USO1: variants seen among roughly 807,000 people sequenced by gnomAD.
USO1 encodes the protein USO1 vesicle transport factor, also known as general vesicular transport factor p115.
Under a neutral mutation model 124.5 loss-of-function variants are expected in USO1, and 57 were observed. That is an observed-to-expected ratio of 0.46 (90% CI 0.37 to 0.57). The LOEUF (loss-of-function observed/expected upper bound fraction) is 0.57. Ranked by LOEUF, USO1 falls within the 20% of genes least tolerant of loss-of-function variation. The pLI, the probability that USO1 is intolerant of heterozygous loss-of-function variation, is 0.00. For missense variants in USO1, 900 were observed against 1,040.6 expected, an observed-to-expected ratio of 0.86 and a Z score of 1.86; for synonymous variants, 369 against 362.8, an observed-to-expected ratio of 1.02 and a Z score of -0.19.
chr4:75,803,618 C>T (rs1722915043), intron 17 of USO1, among the ~76,000 whole-genome samples: 1 of 147,648 alleles, frequency 6.8e-6, no homozygotes, highest in Non-Finnish European at 1.5e-5. Flanking sequence ...CACTGCACTC[C>T]AGCCTGGGCG....
At chr4:75,730,029 C>T in intron 1 of USO1, 1 of 294,074 alleles carries the variant, frequency 3.4e-6, no homozygotes, top group Non-Finnish European at 6.8e-6. Flanking sequence ...ATAACCAGGT[C>T]AATGTCATAA....
intron 13 of USO1, among the ~76,000 whole-genome samples, chr4:75,797,895 A>G (rs926621385): frequency 2.0e-5 from 3 of 152,282 alleles, no homozygotes; most frequent in South Asian, 4.1e-4. Context: ...AACGCACCTC[A>G]GCCTCCCAAA....
chr4:75,813,543 A>C lies in USO1; in HGVS notation c.*248A>C. ...CAAAATGTAATTTGCAAAGAGCTTC[A>C]AACACCAAAAATATACCATTTTAAG... On this transcript the variant is annotated 3_prime_UTR_variant, in exon 24 of 24. Transcript: ENST00000514213. 1 of 294,310 alleles carries C rather than the reference A, an allele frequency of 3.4e-6. No individual in the cohort carries two copies. The highest frequency in any genetic ancestry group is 6.1e-6 in the Non-Finnish European group (1 of 163,660). 18.2% of individuals were successfully genotyped at this position (294,310 alleles called of 1,614,324 possible).
At position 75,805,143 on chromosome 4, in the gene USO1, A is replaced by G. The variant is rs534762045; in HGVS notation, c.2129A>G (p.Lys710Arg). Residue 710 changes from lysine to arginine, a missense_variant, in exon 19 of 24, where the codon AAA (lysine) becomes AGA (arginine). Lys to Arg is a conservative substitution (Grantham distance 26, BLOSUM62 2). Around this residue, in one of 2 missense-constraint regions of USO1, gnomAD observed 362 missense variants for 359.0 expected, o/e 1.01. Transcript: ENST00000514213. ...AAATGTTATGTCTGTCTAACAGGAA[A>G]AGACAATCAGCATCAAGGTTCTTAC... ...QYNLLKIQLG[K>R]DNQHQGSYSE... 7 of 1,576,758 alleles carry G rather than the reference A, an allele frequency of 4.4e-6. No individual in the cohort carries two copies. In the African/African-American group the frequency reaches 9.6e-5, roughly 22 times the overall value.
chr4:75,795,876 C>T (rs1722662309), intron 13 of USO1, among the ~76,000 whole-genome samples: 1 of 151,842 alleles, frequency 6.6e-6, no homozygotes, highest in African/African-American at 2.4e-5. Context: ...ACAGCTACCA[C>T]TGAGGATTCG....
At chr4:75,786,462 T>C (rs1357312334) in intron 9 of USO1, among the ~76,000 whole-genome samples, 3 of 148,818 alleles carry the variant, frequency 2.0e-5, no homozygotes, top group Non-Finnish European at 4.5e-5. Flanking sequence ...ATAACTGTGT[T>C]AAATAGTTAT....
Position 75,724,738 on chromosome 4 carries a change from G to C in USO1, c.-82G>C, listed in dbSNP as rs41282387. ...AGGAGTGTGTAGAGTGCGGGATTGG[G>C]GCCCAGGCCCTGCGGAGGGCGGGGG... On this transcript the variant is annotated 5_prime_UTR_variant, in exon 1 of 24. Transcript: ENST00000514213. The C allele has an allele frequency of 6.9e-7, 1 of 1,455,634 alleles. No homozygotes were observed. The highest frequency in any genetic ancestry group is 9.5e-7 in the Non-Finnish European group (1 of 1,053,006). The allele number at this position is 1,455,634 out of a possible 1,614,324, so 90.2% of individuals were successfully genotyped here.
chr4:75,771,452 G>T (rs1721931882), intron 7 of USO1, among the ~76,000 whole-genome samples: 1 of 152,088 alleles, frequency 6.6e-6, no homozygotes, highest in Non-Finnish European at 1.5e-5. Flanking sequence ...ATTCTTTCCT[G>T]GCTATCCAGT....
At chr4:75,778,131 C>T (rs1234345956) in intron 8 of USO1, among the ~76,000 whole-genome samples, 2 of 152,134 alleles carry the variant, frequency 1.3e-5, no homozygotes, top group African/African-American at 2.4e-5. Context: ...CTTTGAATAA[C>T]TTAGGATTTA....
At chr4:75,791,020 A>G (rs10212995) in intron 12 of USO1, among the ~76,000 whole-genome samples, 82,100 of 152,012 alleles carry the variant, frequency 0.54, 23,710 homozygotes, top group East Asian at 0.81. Context: ...CTTTTGCTGT[A>G]TAACTTCTGC....
chr4:75,757,148 C>T (rs545923901), intron 3 of USO1, among the ~76,000 whole-genome samples: 160 of 151,990 alleles, frequency 1.1e-3, no homozygotes, highest in African/African-American at 3.7e-3. Flanking sequence ...TTTCCACTTG[C>T]TATTATATCA....
At chr4:75,735,993 A>G (rs777152601) in intron 1 of USO1, among the ~76,000 whole-genome samples, 3 of 152,180 alleles carry the variant, frequency 2.0e-5, no homozygotes, top group Non-Finnish European at 2.9e-5. Context: ...TGCCCAATTT[A>G]CCAGTTGTTA....
intron 16 of USO1, 21 bp downstream of exon 16, chr4:75,800,820 T>A: frequency 6.2e-7 from 1 of 1,601,190 alleles, no homozygotes; most frequent in East Asian, 2.3e-5. Context: ...AGATTTATAT[T>A]GATATTTGAT....
Position 75,774,643 on chromosome 4 carries a change from T to G in USO1, c.556-33T>G, listed in dbSNP as rs958268442. On this transcript the variant is annotated intron_variant, in intron 7 of 23. Coordinates refer to ENST00000514213, the MANE Select transcript of USO1 (RefSeq NM_003715.4). ...ATTTAAAAATGTCTCATAAATTTTGTACTCCACTAAACATTCTCTTTCTTC... is the reference window on the plus strand; with the variant it reads ...ATTTAAAAATGTCTCATAAATTTTGGACTCCACTAAACATTCTCTTTCTTC... The G allele has an allele frequency of 2.6e-6, 4 of 1,532,926 alleles. No individual in the cohort carries two copies. In the African/African-American group the frequency reaches 4.3e-5, roughly 16 times the overall value. 95.0% of individuals were successfully genotyped at this position (1,532,926 alleles called of 1,614,324 possible).
Position 75,790,569 on chromosome 4 carries a change from A to C in USO1, c.1086-74A>C, listed in dbSNP as rs1176432061. ...TCTGGTTATGATTCTTCAATCAACA[A>C]AAATGACTAGTTATTGACTTGTATA... is the stretch of plus-strand genomic sequence containing the variant. On this transcript the variant is annotated intron_variant, in intron 11 of 23. Transcript: ENST00000514213. The C allele has an allele frequency of 2.6e-6, 4 of 1,522,714 alleles. No homozygotes were observed. The South Asian group carries it at 5.3e-5, about 20-fold the overall frequency. The allele number at this position is 1,522,714 out of a possible 1,614,324, so 94.3% of individuals were successfully genotyped here. A position where few individuals can be genotyped will look rare whatever the true frequency, so the allele number is the denominator to read the frequency against.
chr4:75,753,302 G>T, intron 3 of USO1, among the ~76,000 whole-genome samples: 2 of 152,186 alleles, frequency 1.3e-5, no homozygotes, highest in East Asian at 3.9e-4. Flanking sequence ...GGGAAGCCGA[G>T]GCAGGTGGAT....
chr4:75,728,129 A>T (rs1374342569), intron 1 of USO1, among the ~76,000 whole-genome samples: 1 of 152,248 alleles, frequency 6.6e-6, no homozygotes, highest in East Asian at 1.9e-4. Context: ...TAAAGACTAG[A>T]AACTGAAGTT....
intron 1 of USO1, among the ~76,000 whole-genome samples, chr4:75,746,173 C>T (rs924310272): frequency 6.6e-6 from 1 of 152,168 alleles, no homozygotes; most frequent in Non-Finnish European, 1.5e-5. Context: ...CTAATAACCA[C>T]CAGCCTAAGT....
At position 75,787,068 on chromosome 4, in the gene USO1, C is replaced by G. The variant is rs370383563; in HGVS notation, c.862C>G (p.Arg288Gly). ...TTTTCTCTTTCTTTCACAGCTTGTTCGTGTATTGGTATCTCCCACCAACCC... is the reference window on the plus strand; with the variant it reads ...TTTTCTCTTTCTTTCACAGCTTGTTGGTGTATTGGTATCTCCCACCAACCC... Reference protein sequence around the residue: ...TNLHLMLQLVRVLVSPTNPPG... With the variant: ...TNLHLMLQLVGVLVSPTNPPG... The change falls in exon 10 of 24, where the codon CGT becomes GGT. Residue 288 changes from arginine (R) to glycine (G), a missense_variant. By Grantham distance (125) the Arg-to-Gly change is moderately radical. Around this residue, in one of 2 missense-constraint regions of USO1, gnomAD observed 538 missense variants for 681.6 expected, o/e 0.79. Transcript: ENST00000514213. 8 of 1,575,366 alleles carry G rather than the reference C, an allele frequency of 5.1e-6. No homozygotes were observed. Among genetic ancestry groups the G allele is most frequent in the Non-Finnish European group, 6.9e-6 (8 of 1,167,520 alleles).
Sources: gnomAD v4.1 joint callset for allele counts (sites outside exome capture counted in the v4.1 genomes callset) on GRCh38, gnomAD v4.1.1 for gene constraint, gnomAD v4.1.1 regional missense constraint, MANE v1.5 for transcripts, NCBI Gene and HGNC (gene_info 2026-07-23, HGNC 2026-07-21) for gene names.